The following NCKAP5 variants were observed in gnomAD, a reference collection of about 807,000 sequenced individuals.
NCKAP5 encodes the protein NCK associated protein 5.
Under a neutral mutation model 167.0 loss-of-function variants are expected in NCKAP5, and 92 were observed. The ratio of observed to expected loss-of-function variants is 0.55; its 90% CI spans 0.47 to 0.66. NCKAP5 has a LOEUF of 0.66. Among genes scored for constraint, NCKAP5 ranks in the 30% least tolerant of loss-of-function variants. The pLI is 0.00. For synonymous variants in NCKAP5, 891 were observed against 877.4 expected (o/e 1.02, Z -0.27); for missense variants, 2,378 against 2,315.0 (o/e 1.03, Z -0.56).
chr2:133,656,428 A>G, the NCKAP5 span, among the ~76,000 whole-genome samples: 1 of 152,240 alleles, frequency 6.6e-6, no homozygotes, highest in Admixed American at 6.5e-5. Context: ...GAATCCTGTT[A>G]TAACAACTCA....
intron 3 of NCKAP5, among the ~76,000 whole-genome samples, chr2:133,420,904 G>A (rs1158528332): frequency 5.3e-5 from 8 of 152,260 alleles, no homozygotes; most frequent in South Asian, 4.1e-4. Flanking sequence ...GTCACGCAGC[G>A]TTTTCTCCTT....
At chr2:133,073,650 A>T (rs747305870) in intron 6 of NCKAP5, among the ~76,000 whole-genome samples, 6 of 152,196 alleles carry the variant, frequency 3.9e-5, no homozygotes, top group Non-Finnish European at 8.8e-5. Flanking sequence ...ACTTTAACAG[A>T]ACCCAAAGTC....
intron 11 of NCKAP5, among the ~76,000 whole-genome samples, chr2:132,840,715 G>T (rs1456903528): frequency 1.3e-5 from 2 of 152,080 alleles, no homozygotes; most frequent in African/African-American, 4.8e-5. Context: ...ACACTTGTTT[G>T]CATTTTTCTT....
chr2:132,768,501 A>G (rs903529184), intron 16 of NCKAP5, among the ~76,000 whole-genome samples: 1 of 152,196 alleles, frequency 6.6e-6, no homozygotes, highest in Admixed American at 6.5e-5. Flanking sequence ...TAATACTTCT[A>G]TTAAGCTAGG....
chr2:133,596,140 G>C, the NCKAP5 span: 2 of 157,782 alleles, frequency 1.3e-5, no homozygotes, highest in Non-Finnish European at 2.9e-5. Context: ...TTGATCGCCA[G>C]GGTTGATTTG....
intron 11 of NCKAP5, among the ~76,000 whole-genome samples, chr2:132,846,430 G>T (rs1688668571): frequency 6.6e-6 from 1 of 151,762 alleles, no homozygotes; most frequent in African/African-American, 2.4e-5. Context: ...TCAGCTTCCC[G>T]AGTAGCTGGG....
chr2:133,319,469 A>C (rs1681876287), intron 3 of NCKAP5, among the ~76,000 whole-genome samples: 1 of 151,840 alleles, frequency 6.6e-6, no homozygotes, highest in South Asian at 2.1e-4. Flanking sequence ...CTTTTTTTTT[A>C]AGTATCTCCT....
chr2:132,784,528 G>A lies in NCKAP5; in HGVS notation c.2283C>T (p.Ser761=), dbSNP rs113802544. 9 of 1,568,130 alleles carry A rather than the reference G, an allele frequency of 5.7e-6. No individual in the cohort carries two copies. The highest frequency in any genetic ancestry group is 1.4e-5 in the African/African-American group (1 of 73,496). Residue 761 remains serine, a synonymous_variant, in exon 14 of 20, where the codon TCC becomes TCT. Coordinates refer to ENST00000409261, the MANE Select transcript of NCKAP5 (RefSeq NM_207363.3). The part of the protein sequence containing the change: ...VPRVSTESFS[S]RTVTQNPQQQ... ...GCTGAGGATTTTGTGTCACTGTCCTGGAGCTGAAAGATTCAGTGGACACCC... is the reference window on the plus strand; with the variant it reads ...GCTGAGGATTTTGTGTCACTGTCCTAGAGCTGAAAGATTCAGTGGACACCC...
chr2:133,474,490 A>G (rs1227085628), intron 3 of NCKAP5, among the ~76,000 whole-genome samples: 3 of 152,214 alleles, frequency 2.0e-5, no homozygotes, highest in African/African-American at 7.2e-5. Flanking sequence ...ATTGTGCAAC[A>G]TGGTGAATAG....
intron 4 of NCKAP5, among the ~76,000 whole-genome samples, chr2:133,264,744 T>C (rs2089098569): frequency 6.6e-6 from 1 of 152,178 alleles, no homozygotes; most frequent in Admixed American, 6.5e-5. Context: ...TGAAATCTGG[T>C]CCTTTACAGT....
chr2:133,374,758 A>G (rs140751140), intron 3 of NCKAP5, among the ~76,000 whole-genome samples: 1 of 152,290 alleles, frequency 6.6e-6, no homozygotes, highest in Non-Finnish European at 1.5e-5. Flanking sequence ...ACAAACAGAA[A>G]ACAAGCAAAA....
the NCKAP5 span, among the ~76,000 whole-genome samples, chr2:133,591,323 T>A: frequency 6.6e-6 from 1 of 152,188 alleles, no homozygotes; most frequent in East Asian, 1.9e-4. Context: ...AGTGAATGTG[T>A]TTGCCAACTG....
intron 16 of NCKAP5, among the ~76,000 whole-genome samples, chr2:132,765,407 G>A (rs535039010): frequency 8.1e-5 from 12 of 148,974 alleles, no homozygotes; most frequent in Middle Eastern, 3.6e-3. Flanking sequence ...CTCTGCCTCC[G>A]GGGTTGAAGT....
At chr2:132,728,225 A>G (rs983154590) in intron 18 of NCKAP5, among the ~76,000 whole-genome samples, 3 of 152,106 alleles carry the variant, frequency 2.0e-5, no homozygotes, top group African/African-American at 7.2e-5. Flanking sequence ...CATAACCCCC[A>G]CTAGGAATGA....
At chr2:133,090,373 AAAG>A (rs770125607) in intron 6 of NCKAP5, among the ~76,000 whole-genome samples, 26 of 152,008 alleles carry the variant, frequency 1.7e-4, no homozygotes, top group African/African-American at 4.3e-4. Context: ...TTTGAGACAA[AAAG>A]AAGAAGAGAA....
At chr2:132,986,872 T>C (rs2077304827) in intron 7 of NCKAP5, among the ~76,000 whole-genome samples, 1 of 152,074 alleles carries the variant, frequency 6.6e-6, no homozygotes, top group Non-Finnish European at 1.5e-5. Flanking sequence ...GTAAGAGGAA[T>C]GTGTGTTTGG....
chr2:133,542,136 T>C (rs981685334), intron 2 of NCKAP5, among the ~76,000 whole-genome samples: 19 of 152,142 alleles, frequency 1.2e-4, no homozygotes, highest in Non-Finnish European at 2.8e-4. Flanking sequence ...GGTTATATCA[T>C]GGGGATGTCC....
chr2:133,402,776 G>A (rs1229711637), intron 3 of NCKAP5, among the ~76,000 whole-genome samples: 5 of 152,114 alleles, frequency 3.3e-5, no homozygotes, highest in Non-Finnish European at 7.3e-5. Flanking sequence ...CTCACCAGAA[G>A]CAGATGCCAG....
chr2:132,850,595 A>T (rs1688999578), intron 11 of NCKAP5, among the ~76,000 whole-genome samples: 1 of 152,048 alleles, frequency 6.6e-6, no homozygotes, highest in African/African-American at 2.4e-5. Flanking sequence ...TTATCAATGT[A>T]ACTACAAGGT....
Sources: gnomAD v4.1 joint callset for allele counts (sites outside exome capture counted in the v4.1 genomes callset) on GRCh38, gnomAD v4.1.1 for gene constraint, MANE v1.5 for transcripts, NCBI Gene and HGNC (gene_info 2026-07-23, HGNC 2026-07-21) for gene names.